Variants in JAM3 observed in about 807,000 individuals in gnomAD.
JAM3 encodes junctional adhesion molecule 3.
A neutral mutation model predicts 39.4 loss-of-function variants in JAM3; 31 were observed. The observed-to-expected ratio is 0.79, with a 90% confidence interval of 0.59 to 1.06. JAM3 has a LOEUF of 1.06. JAM3 is among the 50% of genes least tolerant of loss of function. The pLI, the probability that JAM3 is intolerant of heterozygous loss-of-function variation, is 0.00. For missense variants in JAM3, 455 were observed against 391.4 expected (o/e 1.16, Z -1.37); for synonymous variants, 182 against 148.7 (o/e 1.22, Z -1.63).
chr11:134,136,735 T>C (rs933180384), intron 1 of JAM3, among the ~76,000 whole-genome samples: 1 of 151,554 alleles, frequency 6.6e-6, no homozygotes, highest in African/African-American at 2.4e-5. Flanking sequence ...TCATGTGTAG[T>C]TCATGAAAAA....
chr11:134,137,579 C>T (rs900747343), intron 1 of JAM3, among the ~76,000 whole-genome samples: 1 of 152,184 alleles, frequency 6.6e-6, no homozygotes, highest in Non-Finnish European at 1.5e-5. Context: ...CCCTTAGAGC[C>T]AGTGGTGGTG....
chr11:134,081,038 C>A (rs952844924), intron 1 of JAM3, among the ~76,000 whole-genome samples: 1 of 152,138 alleles, frequency 6.6e-6, no homozygotes, highest in Non-Finnish European at 1.5e-5. Flanking sequence ...TGCCCCTGCC[C>A]TAGAGATTTG....
intron 1 of JAM3, chr11:134,123,951 G>A: frequency 6.7e-7 from 1 of 1,490,320 alleles, no homozygotes; most frequent in Non-Finnish European, 9.3e-7. Context: ...AAACTGAACT[G>A]CATCTTCGTA....
At chr11:134,105,203 G>A (rs994045150) in intron 1 of JAM3, among the ~76,000 whole-genome samples, 1 of 152,032 alleles carries the variant, frequency 6.6e-6, no homozygotes, top group African/African-American at 2.4e-5. Context: ...TTCAACATAC[G>A]CAAATCAATA....
intron 1 of JAM3, among the ~76,000 whole-genome samples, chr11:134,115,433 T>TTA (rs1942409580): frequency 6.6e-6 from 1 of 152,236 alleles, no homozygotes; most frequent in Non-Finnish European, 1.5e-5. Context: ...TTTGTTCTTT[T>TTA]GTTCTTTTTA....
At chr11:134,089,242 C>T (rs1205429136) in intron 1 of JAM3, among the ~76,000 whole-genome samples, 1 of 152,156 alleles carries the variant, frequency 6.6e-6, no homozygotes, top group African/African-American at 2.4e-5. Flanking sequence ...TACTAAGCAG[C>T]ACTTAGGATA....
intron 1 of JAM3, among the ~76,000 whole-genome samples, chr11:134,123,520 A>G (rs1242304439): frequency 6.6e-6 from 1 of 152,242 alleles, no homozygotes; most frequent in Non-Finnish European, 1.5e-5. Context: ...ATTTTGAAAA[A>G]GTTTAAAAAG....
chr11:134,097,518 TTTC>T (rs1465821484), intron 1 of JAM3, among the ~76,000 whole-genome samples: 1 of 152,192 alleles, frequency 6.6e-6, no homozygotes, highest in Non-Finnish European at 1.5e-5. Context: ...GGCAGGGACA[TTTC>T]TTCTCACATC....
chr11:134,102,840 C>T (rs776851012), intron 1 of JAM3, among the ~76,000 whole-genome samples: 2 of 152,128 alleles, frequency 1.3e-5, no homozygotes, highest in African/African-American at 4.8e-5. Context: ...CAAACACAAC[C>T]TCCAAGAAAT....
intron 1 of JAM3, among the ~76,000 whole-genome samples, chr11:134,133,759 A>G (rs772635435): frequency 6.6e-6 from 1 of 152,170 alleles, no homozygotes; most frequent in Non-Finnish European, 1.5e-5. Flanking sequence ...ATAGGTCTAT[A>G]GAATCCTTCC....
chr11:134,110,567 A>G (rs1942288929), intron 1 of JAM3, among the ~76,000 whole-genome samples: 1 of 152,224 alleles, frequency 6.6e-6, no homozygotes, highest in African/African-American at 2.4e-5. Context: ...GTATGATTCC[A>G]TTTATTTAAA....
chr11:134,131,129 C>T (rs1273182760), intron 1 of JAM3, among the ~76,000 whole-genome samples: 1 of 150,388 alleles, frequency 6.6e-6, no homozygotes, highest in African/African-American at 2.5e-5. Flanking sequence ...AGATTCATCC[C>T]AGGCTGATCT....
intron 1 of JAM3, chr11:134,139,620 G>A: frequency 1.8e-6 from 1 of 553,740 alleles, no homozygotes; most frequent in Non-Finnish European, 3.2e-6. Flanking sequence ...CTAAAAAGGA[G>A]AAGGAATTCT....
intron 1 of JAM3, among the ~76,000 whole-genome samples, chr11:134,122,653 C>T (rs959717857): frequency 2.6e-5 from 4 of 152,132 alleles, no homozygotes; most frequent in African/African-American, 9.7e-5. Flanking sequence ...CTCAAAAGAA[C>T]CTAGTAATAA....
Position 134,069,097 on chromosome 11 carries a change from G to A in JAM3, c.14G>A (p.Arg5Gln). The A allele has an allele frequency of 6.2e-7, 1 of 1,611,628 alleles. No individual in the cohort carries two copies. Among genetic ancestry groups the A allele is most frequent in the Non-Finnish European group, 8.5e-7 (1 of 1,179,156 alleles). ...GCAACCCTCGACATGGCGCTGAGGC[G>A]GCCACCGCGACTCCGGCTCTGCGCT... MALR[R>Q]PPRLRLCARL... The change falls in exon 1 of 9, where the codon CGG (arginine) becomes CAG (glutamine). Residue 5 changes from arginine to glutamine, a missense_variant. By Grantham distance (43) the Arg-to-Gln change is conservative. Transcript: ENST00000299106.
intron 1 of JAM3, among the ~76,000 whole-genome samples, chr11:134,112,174 C>A (rs958773311): frequency 4.6e-5 from 7 of 152,120 alleles, no homozygotes; most frequent in African/African-American, 7.2e-5. Flanking sequence ...GCAACCTCTG[C>A]CTCCCGGGTT....
At chr11:134,128,350 A>G (rs1942694702) in intron 1 of JAM3, among the ~76,000 whole-genome samples, 1 of 152,226 alleles carries the variant, frequency 6.6e-6, no homozygotes, top group African/African-American at 2.4e-5. Context: ...CATTGAACAA[A>G]ATACTTAACA....
At chr11:134,101,276 TG>T (rs774192158) in intron 1 of JAM3, among the ~76,000 whole-genome samples, 3 of 152,252 alleles carry the variant, frequency 2.0e-5, no homozygotes, top group Admixed American at 6.5e-5. Flanking sequence ...TGAATTTAAA[TG>T]TGGGTTTTAA....
chr11:134,108,493 A>G (rs1183929969), intron 1 of JAM3, among the ~76,000 whole-genome samples: 1 of 152,224 alleles, frequency 6.6e-6, no homozygotes, highest in Non-Finnish European at 1.5e-5. Flanking sequence ...CTACAGGCCA[A>G]TTTCCCTCGT....
Sources: gnomAD v4.1 joint callset for allele counts (sites outside exome capture counted in the v4.1 genomes callset) on GRCh38, gnomAD v4.1.1 for gene constraint, MANE v1.5 for transcripts, NCBI Gene and HGNC (gene_info 2026-07-23, HGNC 2026-07-21) for gene names.